The following RBFOX1 variants were observed in gnomAD, a reference collection of about 807,000 sequenced individuals.
RBFOX1 encodes the protein RNA binding fox-1 homolog 1.
In RBFOX1, 8 loss-of-function variants were observed where a neutral mutation model predicts 57.7. That is an observed-to-expected ratio of 0.14 (90% CI 0.08 to 0.25). The LOEUF (loss-of-function observed/expected upper bound fraction) is 0.25. Among genes scored for constraint, RBFOX1 ranks in the 10% least tolerant of loss-of-function variants. The pLI, the probability that RBFOX1 is intolerant of heterozygous loss-of-function variation, is 1.00. For missense variants in RBFOX1, 611 were observed against 548.5 expected, an observed-to-expected ratio of 1.11 and a Z score of -1.14; for synonymous variants, 326 against 222.4, an observed-to-expected ratio of 1.47 and a Z score of -4.15.
chr16:6,171,978 C>T (rs570922663), intron 1 of RBFOX1, among the ~76,000 whole-genome samples: 17 of 152,018 alleles, frequency 1.1e-4, no homozygotes, highest in Admixed American at 3.9e-4. Flanking sequence ...CATGCCTCCA[C>T]GCTTGGGTAA....
intron 13 of RBFOX1, among the ~76,000 whole-genome samples, chr16:7,671,770 GC>G (rs1393935718): frequency 6.6e-6 from 1 of 152,142 alleles, no homozygotes; most frequent in African/African-American, 2.4e-5. Context: ...AGGTGAGGTG[GC>G]TATCCCTGTA....
At chr16:6,563,823 C>G (rs2097217431) in intron 2 of RBFOX1, among the ~76,000 whole-genome samples, 2 of 149,660 alleles carry the variant, frequency 1.3e-5, no homozygotes, top group African/African-American at 2.5e-5. Flanking sequence ...GGGATCCTGT[C>G]TCCAAAAAAA....
rs561537334 is a variant in RBFOX1, at chr16:7,407,280, G to C, written c.28-110867G>C. On this transcript the variant is annotated intron_variant, in intron 4 of 15. Coordinates refer to ENST00000550418, the MANE Select transcript of RBFOX1 (RefSeq NM_018723.4). Reference sequence around the variant, plus strand: ...TGTTTGGGAGAAGGATGTTACTCTGGCTACCACAGGTAGTTTAGAGCTGCC... The same window carrying C: ...TGTTTGGGAGAAGGATGTTACTCTGCCTACCACAGGTAGTTTAGAGCTGCC... 1.2e-4 allele frequency among the ~76,000 whole-genome samples: 19 copies of C among 152,222 alleles called. No individual in the cohort carries two copies. In the South Asian group the frequency reaches 1.5e-3, roughly 12 times the overall value.
chr16:7,004,721 C>G (rs1300209757), intron 3 of RBFOX1, among the ~76,000 whole-genome samples: 1 of 152,136 alleles, frequency 6.6e-6, no homozygotes. Flanking sequence ...GTATGGTGAG[C>G]TGGTATTCAA....
At chr16:7,371,965 C>A (rs920953231) in intron 4 of RBFOX1, among the ~76,000 whole-genome samples, 7 of 151,650 alleles carry the variant, frequency 4.6e-5, no homozygotes, top group African/African-American at 1.7e-4. Flanking sequence ...TCCCTTAATT[C>A]CTTTTTTTTT....
chr16:6,892,983 A>AT (rs2065888960), intron 3 of RBFOX1, among the ~76,000 whole-genome samples: 1 of 152,004 alleles, frequency 6.6e-6, no homozygotes, highest in South Asian at 2.1e-4. Context: ...TTTACTTTTA[A>AT]TTGCAAAAAC....
At chr16:5,599,487 G>C (rs551989012) in exon 3 of RBFOX1, 148 of 496,908 alleles carry the variant, frequency 3.0e-4, no homozygotes, top group African/African-American at 2.6e-3. Context: ...CAGTGGCCAG[G>C]AAGTTCCCTG....
In RBFOX1 at chr16:6,970,852, G is replaced by A. The variant is rs555054055; in HGVS notation, c.-15-81205G>A. On this transcript the variant is annotated intron_variant, in intron 3 of 15. Transcript: ENST00000550418. Reference sequence around the variant, plus strand: ...CTTGGAATATTCAGCATCAATAGAAGAAAGAAGGCTGTGCTAGTAAGAGAC... The same window carrying A: ...CTTGGAATATTCAGCATCAATAGAAAAAAGAAGGCTGTGCTAGTAAGAGAC... 7.9e-5 allele frequency among the ~76,000 whole-genome samples: 12 copies of A among 152,282 alleles called. No individual in the cohort carries two copies. The South Asian group carries it at 2.5e-3, about 32-fold the overall frequency.
chr16:6,766,221 A>T (rs28481948), intron 3 of RBFOX1, among the ~76,000 whole-genome samples: 1,866 of 152,106 alleles, frequency 0.012, 42 homozygotes, highest in African/African-American at 0.042. Flanking sequence ...GTCCAACCAG[A>T]ATTTGATTTC....
intron 4 of RBFOX1, among the ~76,000 whole-genome samples, chr16:7,480,804 C>T (rs2063748399): frequency 6.6e-6 from 1 of 151,992 alleles, no homozygotes; most frequent in Non-Finnish European, 1.5e-5. Flanking sequence ...TGGGCCTTGG[C>T]ACTTATGGAG....
chr16:6,400,403 A>G (rs1197445232), intron 2 of RBFOX1, among the ~76,000 whole-genome samples: 4 of 152,210 alleles, frequency 2.6e-5, no homozygotes, highest in African/African-American at 9.6e-5. Flanking sequence ...TTTGGACTGA[A>G]TGATGATATC....
chr16:7,658,398 C>G (rs931415906), intron 12 of RBFOX1, among the ~76,000 whole-genome samples: 4 of 152,068 alleles, frequency 2.6e-5, no homozygotes, highest in African/African-American at 9.7e-5. Flanking sequence ...AGTCACAGAG[C>G]AGAGTAGAGT....
At chr16:7,665,925 A>G (rs2069114421) in intron 13 of RBFOX1, among the ~76,000 whole-genome samples, 1 of 152,240 alleles carries the variant, frequency 6.6e-6, no homozygotes, top group Admixed American at 6.5e-5. Context: ...GAGATATAGT[A>G]TGTATCTCCA....
chr16:5,700,508 C>G (rs996249664), intron 3 of RBFOX1, among the ~76,000 whole-genome samples: 1 of 152,154 alleles, frequency 6.6e-6, no homozygotes, highest in Non-Finnish European at 1.5e-5. Flanking sequence ...ATATTTTCTT[C>G]TATGTCAGCT....
intron 3 of RBFOX1, among the ~76,000 whole-genome samples, chr16:5,748,146 C>G (rs1010650983): frequency 6.6e-6 from 1 of 152,120 alleles, no homozygotes; most frequent in African/African-American, 2.4e-5. Context: ...AGTAGTCTTT[C>G]AGGAGCAGGT....
At chr16:7,550,977 C>G (rs1205244403) in intron 5 of RBFOX1, among the ~76,000 whole-genome samples, 2 of 151,120 alleles carry the variant, frequency 1.3e-5, no homozygotes, top group Non-Finnish European at 2.9e-5. Context: ...ACCTGTAATC[C>G]CAGCTACTCA....
chr16:5,531,052 G>T (rs1170947464), intron 2 of RBFOX1, among the ~76,000 whole-genome samples: 2 of 151,794 alleles, frequency 1.3e-5, no homozygotes, highest in African/African-American at 4.8e-5. Context: ...GTGAGCCAGG[G>T]AGGTGGAGCT....
intron 1 of RBFOX1, among the ~76,000 whole-genome samples, chr16:6,115,024 A>T (rs1284228608): frequency 6.6e-6 from 1 of 152,172 alleles, no homozygotes; most frequent in Non-Finnish European, 1.5e-5. Flanking sequence ...GGAAAGGAAC[A>T]GTAGCTTCCA....
At chr16:5,504,099 G>T (rs79109907) in intron 2 of RBFOX1, among the ~76,000 whole-genome samples, 1 of 152,178 alleles carries the variant, frequency 6.6e-6, no homozygotes, top group South Asian at 2.1e-4. Flanking sequence ...GGCTGGGGGC[G>T]GAGGGAACTT....
Sources: allele counts gnomAD v4.1 joint callset (sites outside exome capture counted in the v4.1 genomes callset), GRCh38; gene constraint gnomAD v4.1.1; transcripts MANE v1.5; gene names NCBI Gene and HGNC (gene_info 2026-07-23, HGNC 2026-07-21).